RELN: variants seen among roughly 807,000 people sequenced by gnomAD.
RELN encodes the protein reelin.
A neutral mutation model predicts 427.6 loss-of-function variants in RELN; 108 were observed. The observed-to-expected ratio is 0.25, with a 90% CI of 0.22 to 0.30. The LOEUF (loss-of-function observed/expected upper bound fraction) is 0.30, where lower values mean the gene tolerates loss of function less well. Among genes scored for constraint, RELN ranks in the 10% least tolerant of loss-of-function variants. RELN has a pLI of 1.00. For synonymous variants in RELN, 1,524 were observed against 1,513.4 expected, an observed-to-expected ratio of 1.01 and a Z score of -0.16; for missense variants, 3,715 against 4,302.8, an observed-to-expected ratio of 0.86 and a Z score of 3.82.
intron 16 of RELN, among the ~76,000 whole-genome samples, chr7:103,641,029 A>T (rs980714109): frequency 2.6e-4 from 40 of 152,180 alleles, no homozygotes; most frequent in African/African-American, 9.4e-4. Context: ...AATCTATAAC[A>T]CTGTGGATGA....
At chr7:103,976,849 A>C (rs1463530547) in intron 1 of RELN, among the ~76,000 whole-genome samples, 1 of 152,180 alleles carries the variant, frequency 6.6e-6, no homozygotes, top group Non-Finnish European at 1.5e-5. Context: ...CCAGGAGTTC[A>C]AGACCAGCCT....
intron 6 of RELN, among the ~76,000 whole-genome samples, chr7:103,736,617 T>C (rs1013077682): frequency 2.0e-5 from 3 of 152,222 alleles, no homozygotes; most frequent in Non-Finnish European, 4.4e-5. Flanking sequence ...AAACGTTATT[T>C]GGGTTAAAAA....
chr7:103,726,881 T>C (rs966105581), intron 7 of RELN, among the ~76,000 whole-genome samples: 1 of 152,180 alleles, frequency 6.6e-6, no homozygotes, highest in African/African-American at 2.4e-5. Flanking sequence ...TCTGCAGGAA[T>C]ATTATAGCAC....
intron 2 of RELN, among the ~76,000 whole-genome samples, chr7:103,872,852 T>A (rs1156399367): frequency 6.6e-6 from 1 of 150,830 alleles, no homozygotes; most frequent in Admixed American, 6.6e-5. Context: ...TTTGGCTGCA[T>A]AAATGTCTTC....
At chr7:103,852,907 TAGACA>T (rs1268756019) in intron 2 of RELN, among the ~76,000 whole-genome samples, 1 of 152,022 alleles carries the variant, frequency 6.6e-6, no homozygotes, top group East Asian at 1.9e-4. Flanking sequence ...CAATAGTGCC[TAGACA>T]AGACAAATAA....
intron 11 of RELN, among the ~76,000 whole-genome samples, chr7:103,675,128 T>G (rs1584397409): frequency 6.6e-6 from 1 of 152,112 alleles, no homozygotes; most frequent in Non-Finnish European, 1.5e-5. Flanking sequence ...GATTGTATAT[T>G]TAGAAAACCC....
At chr7:103,487,735 C>G (rs569680878) in intron 60 of RELN, among the ~76,000 whole-genome samples, 1 of 152,286 alleles carries the variant, frequency 6.6e-6, no homozygotes, top group Non-Finnish European at 1.5e-5. Context: ...TTTTTCCTAG[C>G]ATGATTTGTT....
intron 20 of RELN, among the ~76,000 whole-genome samples, chr7:103,618,217 A>G (rs1449314803): frequency 6.6e-6 from 1 of 152,200 alleles, no homozygotes; most frequent in Non-Finnish European, 1.5e-5. Context: ...TTAAAATAAC[A>G]CTCTAAATTA....
chr7:103,521,385 T>C (rs1829706724), intron 48 of RELN, among the ~76,000 whole-genome samples: 1 of 152,216 alleles, frequency 6.6e-6, no homozygotes, highest in Admixed American at 6.5e-5. Flanking sequence ...ACTATAAAAT[T>C]TCCCAAAGAA....
At chr7:103,535,520 T>G in intron 45 of RELN, 36 bp from the exon 46 acceptor site, 2 of 1,557,312 alleles carry the variant, frequency 1.3e-6, no homozygotes, top group Non-Finnish European at 1.8e-6. Flanking sequence ...TATAAACACA[T>G]ATCTGCAGAC....
intron 63 of RELN, 177 bp from the exon 64 acceptor site, chr7:103,478,571 C>A (rs1286498584): frequency 3.1e-6 from 2 of 639,864 alleles, no homozygotes; most frequent in African/African-American, 1.8e-5. Context: ...TCTTCTATAC[C>A]CAAGATCTAC....
In RELN at chr7:103,563,120, G is replaced by T. The variant is rs1377436536; in HGVS notation, c.5211-1167C>A. ...CAGTTCTCCCCAAATGAGTTAGGTAGTACCCTCCTGTGTTTCAATAATATC... is the reference window on the plus strand; with the variant it reads ...CAGTTCTCCCCAAATGAGTTAGGTATTACCCTCCTGTGTTTCAATAATATC... On this transcript the variant is annotated intron_variant, in intron 34 of 64. Transcript: ENST00000428762. This position sits in a 1 kb window ranked among gnomAD's most constrained non-coding sequence, Gnocchi z 4.1. Among the ~76,000 whole-genome samples the T allele has an allele frequency of 6.6e-6, 1 of 152,170 alleles. No individual in the cohort carries two copies. The highest frequency in any genetic ancestry group is 2.4e-5 in the African/African-American group (1 of 41,438).
chr7:103,479,531 G>T (rs984178707), intron 63 of RELN, among the ~76,000 whole-genome samples: 6 of 152,092 alleles, frequency 3.9e-5, no homozygotes, highest in African/African-American at 1.4e-4. Flanking sequence ...TGCTTTTCAT[G>T]TGCAGGTTTT....
At chr7:103,856,013 A>G (rs1332751514) in intron 2 of RELN, among the ~76,000 whole-genome samples, 1 of 152,226 alleles carries the variant, frequency 6.6e-6, no homozygotes, top group Non-Finnish European at 1.5e-5. Context: ...GGAATGAAGA[A>G]GAACCCAAGG....
chr7:103,568,955 A>G (rs947622258), intron 31 of RELN, among the ~76,000 whole-genome samples: 1 of 152,288 alleles, frequency 6.6e-6, no homozygotes. Flanking sequence ...TGATGGTTTA[A>G]AAAATGTCCA....
chr7:103,930,227 G>A lies in RELN; in HGVS notation c.227-13042C>T, dbSNP rs572851301. On this transcript the variant is annotated intron_variant, in intron 1 of 64. Coordinates refer to ENST00000428762, the MANE Select transcript of RELN (RefSeq NM_005045.4). ...ACGTCCACATTCTCACTGTGTCCCT[G>A]CATGGCCTTTCATCTATCTGCACAT... 4.6e-5 allele frequency among the ~76,000 whole-genome samples: 7 copies of A among 152,146 alleles called. No individual in the cohort carries two copies. In the East Asian group the frequency reaches 1.4e-3, roughly 30 times the overall value.
At chr7:103,768,643 T>C (rs1441365741) in intron 4 of RELN, among the ~76,000 whole-genome samples, 2 of 152,200 alleles carry the variant, frequency 1.3e-5, no homozygotes, top group Admixed American at 1.3e-4. Flanking sequence ...ACTGAGTCTA[T>C]GTTGCATGCC....
chr7:103,715,459 A>G (rs1789914013), intron 8 of RELN, among the ~76,000 whole-genome samples: 1 of 152,120 alleles, frequency 6.6e-6, no homozygotes, highest in African/African-American at 2.4e-5. Context: ...AGACTTACAA[A>G]CCTTTCTTTC....
chr7:103,504,479 T>C (rs949321956), intron 51 of RELN: 3 of 152,196 alleles, frequency 2.0e-5, no homozygotes, highest in Admixed American at 6.5e-5. Flanking sequence ...GATGGCTGAA[T>C]AGGAACAGCT....
Sources: gnomAD v4.1 joint callset for allele counts (sites outside exome capture counted in the v4.1 genomes callset) on GRCh38, gnomAD v4.1.1 for gene constraint, Gnocchi (gnomAD v3.1) non-coding constraint, MANE v1.5 for transcripts, NCBI Gene and HGNC (gene_info 2026-07-23, HGNC 2026-07-21) for gene names.